The following TMEM163 variants were observed in gnomAD, a reference collection of about 807,000 sequenced individuals.
TMEM163 encodes the protein transmembrane protein 163.
A neutral mutation model predicts 29.3 loss-of-function variants in TMEM163; 17 were observed. That is an observed-to-expected ratio of 0.58 (90% CI 0.40 to 0.87). The LOEUF is 0.87. Ranked by LOEUF, TMEM163 falls within the 40% of genes least tolerant of loss-of-function variation. The pLI is 0.00. For missense variants in TMEM163, 303 were observed against 381.5 expected (o/e 0.79, Z 1.71); for synonymous variants, 157 against 160.6 (o/e 0.98, Z 0.17).
At chr2:134,713,540 T>C in intron 1 of TMEM163, 2 of 691,652 alleles carry the variant, frequency 2.9e-6, no homozygotes, top group Non-Finnish European at 5.2e-6. Context: ...GGCCGTGTAT[T>C]TCTGCAGGGT....
rs535386446 is a variant in TMEM163, at chr2:134,664,295, G to A, written c.322+48905C>T. On this transcript the variant is annotated intron_variant, in intron 2 of 7. Coordinates refer to ENST00000281924, the MANE Select transcript of TMEM163 (RefSeq NM_030923.5). ...TTACAGGCTGAGCTGTGTGAGCTCA[G>A]TGTCAACTTCAGGGTCCATCAGAAT... is the stretch of plus-strand genomic sequence containing the variant. Among the ~76,000 whole-genome samples the A allele has an allele frequency of 3.3e-5, 5 of 152,358 alleles. 1 individual carries two copies. The South Asian group carries it at 1.0e-3, about 32-fold the overall frequency.
chr2:134,700,078 C>T (rs1365360944), intron 2 of TMEM163, among the ~76,000 whole-genome samples: 3 of 152,182 alleles, frequency 2.0e-5, no homozygotes, highest in African/African-American at 4.8e-5. Context: ...TACCTGATAG[C>T]TTTAATTCAT....
At chr2:134,710,212 T>C (rs1684897740) in intron 2 of TMEM163, among the ~76,000 whole-genome samples, 1 of 152,200 alleles carries the variant, frequency 6.6e-6, no homozygotes, top group Non-Finnish European at 1.5e-5. Flanking sequence ...CAAAATAAAC[T>C]TTCTCAATTG....
chr2:134,539,938 A>G, intron 4 of TMEM163, among the ~76,000 whole-genome samples: 1 of 152,212 alleles, frequency 6.6e-6, no homozygotes, highest in East Asian at 1.9e-4. Flanking sequence ...TGTCTTCCTG[A>G]AATCTCACCA....
chr2:134,544,157 T>G (rs1217624326), intron 4 of TMEM163, among the ~76,000 whole-genome samples: 1 of 152,096 alleles, frequency 6.6e-6, no homozygotes, highest in African/African-American at 2.4e-5. Flanking sequence ...GTGGCAAGCA[T>G]CCCATGGCCC....
At chr2:134,573,714 T>TA (rs1293100137) in intron 2 of TMEM163, among the ~76,000 whole-genome samples, 1 of 152,224 alleles carries the variant, frequency 6.6e-6, no homozygotes. Context: ...AAAACAGAAC[T>TA]AAAAAACACA....
intron 2 of TMEM163, among the ~76,000 whole-genome samples, chr2:134,573,990 C>T (rs758726849): frequency 2.6e-5 from 4 of 152,176 alleles, no homozygotes; most frequent in Non-Finnish European, 5.9e-5. Context: ...GGCCTGTGTT[C>T]CAGAGCCTCT....
Position 134,664,326 on chromosome 2 carries a change from G to A in TMEM163, c.322+48874C>T, listed in dbSNP as rs138377615. 3.1e-3 allele frequency among the ~76,000 whole-genome samples: 466 copies of A among 152,308 alleles called. 3 individuals are homozygous for A. The highest frequency in any genetic ancestry group is 0.01 in the African/African-American group (422 of 41,542). ...ACTTCAGGGTCCATCAGAATCGCCC[G>A]GAGGACTGGTTAAGACGCAGAATGC... is the stretch of plus-strand genomic sequence containing the variant. On this transcript the variant is annotated intron_variant, in intron 2 of 7. Coordinates refer to ENST00000281924, the MANE Select transcript of TMEM163 (RefSeq NM_030923.5).
chr2:134,633,068 G>A lies in TMEM163; in HGVS notation c.322+80132C>T, dbSNP rs568887346. ...CCACTGCACCAGGCCAAGGCCCTAC[G>A]TTCTTAATACCAACACAAAGGAGAT... On this transcript the variant is annotated intron_variant, in intron 2 of 7. Coordinates refer to ENST00000281924, the MANE Select transcript of TMEM163 (RefSeq NM_030923.5). 9.2e-5 allele frequency among the ~76,000 whole-genome samples: 14 copies of A among 152,036 alleles called. No homozygotes were observed. In the East Asian group the frequency reaches 1.2e-3, roughly 13 times the overall value.
chr2:134,531,328 T>C (rs890386192), intron 4 of TMEM163, among the ~76,000 whole-genome samples: 1 of 152,114 alleles, frequency 6.6e-6, no homozygotes, highest in Non-Finnish European at 1.5e-5. Context: ...CCAAAACATA[T>C]TGAGATTTTC....
intron 5 of TMEM163, among the ~76,000 whole-genome samples, chr2:134,489,947 G>T (rs1018642070): frequency 6.6e-6 from 1 of 152,228 alleles, no homozygotes; most frequent in African/African-American, 2.4e-5. Flanking sequence ...CCTAAGTGCA[G>T]TACCAGCTTA....
intron 2 of TMEM163, among the ~76,000 whole-genome samples, chr2:134,657,386 C>A (rs916772874): frequency 6.6e-5 from 10 of 152,306 alleles, no homozygotes; most frequent in South Asian, 2.1e-4. Flanking sequence ...ACCTCCTTTA[C>A]AGCAACATGC....
chr2:134,648,809 C>T (rs1194186339), intron 2 of TMEM163, among the ~76,000 whole-genome samples: 1 of 152,160 alleles, frequency 6.6e-6, no homozygotes, highest in Admixed American at 6.5e-5. Flanking sequence ...CAGTATTAAA[C>T]TGTAATATTT....
intron 7 of TMEM163, among the ~76,000 whole-genome samples, chr2:134,457,130 C>T (rs1412932502): frequency 6.6e-6 from 1 of 152,138 alleles, no homozygotes; most frequent in Non-Finnish European, 1.5e-5. Context: ...CACTTCATTC[C>T]TTTTTGGGGG....
chr2:134,582,249 C>A (rs1681712734), intron 2 of TMEM163, among the ~76,000 whole-genome samples: 1 of 152,072 alleles, frequency 6.6e-6, no homozygotes, highest in Admixed American at 6.5e-5. Flanking sequence ...AAAAGGCAAC[C>A]CAAATCCCCC....
chr2:134,554,825 G>A (rs1351461036), intron 2 of TMEM163, among the ~76,000 whole-genome samples: 1 of 152,186 alleles, frequency 6.6e-6, no homozygotes, highest in African/African-American at 2.4e-5. Context: ...ATGACCTAGA[G>A]CACAAGTGGA....
chr2:134,505,577 G>T (rs1046072545), intron 4 of TMEM163, among the ~76,000 whole-genome samples: 54 of 152,062 alleles, frequency 3.6e-4, no homozygotes, highest in Non-Finnish European at 7.4e-4. Flanking sequence ...ATCAAGTAGG[G>T]CAGCCACAAC....
intron 2 of TMEM163, among the ~76,000 whole-genome samples, chr2:134,638,720 G>A (rs1683162328): frequency 1.3e-5 from 2 of 152,296 alleles, no homozygotes; most frequent in East Asian, 1.9e-4. Flanking sequence ...GGACAGTGAG[G>A]AAAGGAGAGG....
chr2:134,568,778 T>A (rs1289529499), intron 2 of TMEM163, among the ~76,000 whole-genome samples: 1 of 152,180 alleles, frequency 6.6e-6, no homozygotes, highest in Non-Finnish European at 1.5e-5. Context: ...GTCTGGCTTC[T>A]GAATTAGCAA....
Sources: allele counts gnomAD v4.1 joint callset (sites outside exome capture counted in the v4.1 genomes callset), GRCh38; gene constraint gnomAD v4.1.1; transcripts MANE v1.5; gene names NCBI Gene and HGNC (gene_info 2026-07-23, HGNC 2026-07-21).